Variants in ELL3 observed in about 807,000 individuals in gnomAD.
The protein encoded by ELL3 is elongation factor for RNA polymerase II 3, also known as RNA polymerase II elongation factor ELL3.
A neutral mutation model predicts 58.5 loss-of-function variants in ELL3; 48 were observed. The observed-to-expected ratio is 0.82, with a 90% CI of 0.65 to 1.04. The LOEUF (loss-of-function observed/expected upper bound fraction) is 1.04. ELL3 is among the 50% of genes least tolerant of loss of function. ELL3 has a pLI of 0.00. For synonymous variants in ELL3, 174 were observed against 173.2 expected (o/e 1.00, Z -0.04); for missense variants, 458 against 478.4 (o/e 0.96, Z 0.40).
chr15:43,775,546 T>C lies in ELL3; in HGVS notation c.548A>G (p.His183Arg), dbSNP rs1392078607. 6 of 1,614,090 alleles carry C rather than the reference T, an allele frequency of 3.7e-6. No individual in the cohort carries two copies. Among genetic ancestry groups the C allele is most frequent in the Non-Finnish European group, 5.1e-6 (6 of 1,180,048 alleles). The change falls in exon 5 of 11, where the codon CAC (histidine) becomes CGC (arginine). Residue 183 changes from histidine (H) to arginine (R), a missense_variant. His to Arg is a conservative substitution (Grantham distance 29). Transcript: ENST00000319359. ...GTACCTCACTTCCCACTGTGCCATGTGCTCCCTTGAGGATCCTGGGAGTGA... is the reference window on the plus strand; with the variant it reads ...GTACCTCACTTCCCACTGTGCCATGCGCTCCCTTGAGGATCCTGGGAGTGA... ...GQSLPGSSRE[H>R]MAQWEVRSQT...
Position 43,774,371 on chromosome 15 carries a change from T to C in ELL3, c.867-18A>G. ...TGTATTGCCTGCCAGGAGCAGAGAG[T>C]TGTCACCTTCAATTTCATTGCCCCT... On this transcript the variant is annotated intron_variant, in intron 8 of 10. Transcript: ENST00000319359. 6.2e-7 allele frequency: 1 copy of C among 1,613,718 alleles called. No individual in the cohort carries two copies. The highest frequency in any genetic ancestry group is 1.3e-5 in the African/African-American group (1 of 74,990).
chr15:43,774,229 G>T lies in ELL3; in HGVS notation c.991C>A (p.Leu331Met). 6.2e-7 allele frequency: 1 copy of T among 1,614,176 alleles called. No homozygotes were observed. ...VGTASQRFIE[L>M]GAEIKRVRRG... is the part of the protein sequence containing the mutation. ...CGAACTCTTTTAATCTCTGCTCCCA[G>T]CTCTATGAACCTTTGGCTTGCAGTC... Residue 331 changes from leucine to methionine, a missense_variant, in exon 9 of 11, where the codon CTG becomes ATG. By Grantham distance (15) the Leu-to-Met change is conservative. Coordinates refer to ENST00000319359, the MANE Select transcript of ELL3 (RefSeq NM_025165.3).
Position 43,774,168 on chromosome 15 carries a change from G to T in ELL3, c.1038+14C>A, listed in dbSNP as rs767939065. 6.2e-7 allele frequency: 1 copy of T among 1,612,170 alleles called. No individual in the cohort carries two copies. Among genetic ancestry groups the T allele is most frequent in the African/African-American group, 1.3e-5 (1 of 74,990 alleles). ...CCAGTAGAGCTGGAAAGCCAGGCTG[G>T]GTCCTGTCCTTACCTTGTATTCTGG... On this transcript the variant is annotated intron_variant, in intron 9 of 10. Coordinates refer to ENST00000319359, the MANE Select transcript of ELL3 (RefSeq NM_025165.3).
chr15:43,774,131 G>A (rs2086897607), intron 9 of ELL3, 51 bp downstream of exon 9: 1 of 1,596,720 alleles, frequency 6.3e-7, no homozygotes, highest in Admixed American at 1.7e-5. Context: ...ATGGTTAGCA[G>A]GGGGTTAATG....
Position 43,775,924 on chromosome 15 carries a change from C to A in ELL3, c.282-1G>T. On this transcript the variant is annotated splice_acceptor_variant, in intron 3 of 10. Coordinates refer to ENST00000319359, the MANE Select transcript of ELL3 (RefSeq NM_025165.3). LOFTEE classifies it high-confidence loss of function. ...GCAGTGGAGGCTGTTAGGCCCAGAC[C>A]TGGAAAAGGATGGTGGAAAAAAATA... 1 of 1,614,080 alleles carries A rather than the reference C, an allele frequency of 6.2e-7. No homozygotes were observed. The highest frequency in any genetic ancestry group is 2.2e-5 in the East Asian group (1 of 44,882).
chr15:43,774,885 C>T, intron 6 of ELL3, 112 bp from the exon 7 acceptor site: 3 of 1,210,640 alleles, frequency 2.5e-6, no homozygotes, highest in Non-Finnish European at 3.3e-6. Flanking sequence ...GTAATCCTGA[C>T]CGTTTCAGAG....
chr15:43,776,576 C>T (rs1475198782), intron 1 of ELL3, 32 bp from the exon 2 acceptor site: 4 of 1,562,456 alleles, frequency 2.6e-6, no homozygotes, highest in South Asian at 2.3e-5. Flanking sequence ...GACCGTTGAG[C>T]GCAGGTGAAG....
chr15:43,773,110 A>G lies in ELL3; in HGVS notation c.*6T>C. The G allele has an allele frequency of 6.3e-7, 1 of 1,589,492 alleles. No individual in the cohort carries two copies. The highest frequency in any genetic ancestry group is 1.4e-5 in the African/African-American group (1 of 73,256). ...AAGCAGAGGCTCAAAAATTCCCTTG[A>G]TAACTTCAGCTGCCCCTGTTCTTTT... On this transcript the variant is annotated 3_prime_UTR_variant, in exon 11 of 11. Transcript: ENST00000319359.
chr15:43,775,363 TG>T lies in ELL3; in HGVS notation c.587del (p.Pro196GlnfsTer26). On this transcript the variant is annotated frameshift_variant, in exon 6 of 11. Coordinates refer to ENST00000319359, the MANE Select transcript of ELL3 (RefSeq NM_025165.3). LOFTEE classifies it high-confidence loss of function. ...GCAGTGCCTGAACAGGTTCTCTGTTTGGAACATGGGTCTGGCTTCTAGGATA... is the reference window on the plus strand; with the variant it reads ...GCAGTGCCTGAACAGGTTCTCTGTTTGAACATGGGTCTGGCTTCTAGGATA... ...QWEVRSQTHV[P>X]NREPVQALPS... is the part of the protein sequence containing the mutation. 6.2e-7 allele frequency: 1 copy of T among 1,613,652 alleles called. No homozygotes were observed. Among genetic ancestry groups the T allele is most frequent in the South Asian group, 1.1e-5 (1 of 91,042 alleles).
At position 43,776,009 on chromosome 15, in the gene ELL3, C is replaced by G. The variant is rs376005553; in HGVS notation, c.281+30G>C. ...TTCCCTCCCCCACTTTCCACAAACC[C>G]TTTCTTGCCGGCTACCTGTTCCCCC... On this transcript the variant is annotated intron_variant, in intron 3 of 10. Coordinates refer to ENST00000319359, the MANE Select transcript of ELL3 (RefSeq NM_025165.3). The G allele has an allele frequency of 8.7e-6, 14 of 1,613,196 alleles. No homozygotes were observed. In the African/African-American group the frequency reaches 1.3e-4, roughly 15 times the overall value.
At position 43,776,044 on chromosome 15, in the gene ELL3, GAAGCGTT is replaced by G. The variant is rs774811566; in HGVS notation, c.269_275del (p.Gln90ProfsTer39). 1 of 1,614,046 alleles carries G rather than the reference GAAGCGTT, an allele frequency of 6.2e-7. No individual in the cohort carries two copies. The highest frequency in any genetic ancestry group is 8.5e-7 in the Non-Finnish European group (1 of 1,180,006). On this transcript the variant is annotated frameshift_variant, in exon 3 of 11. Transcript: ENST00000319359. LOFTEE classifies it high-confidence loss of function. ...GGCTACCTGTTCCCCCTCACCTGAG[GAAGCGTT>G]GGCACACAAGGTCCAAGCTACCACC...
intron 5 of ELL3, 52 bp downstream of exon 5, chr15:43,775,473 A>C (rs146412353): frequency 6.2e-7 from 1 of 1,611,148 alleles, no homozygotes; most frequent in Non-Finnish European, 8.5e-7. Flanking sequence ...GGAGATTAGA[A>C]AGGAAGACAA....
chr15:43,774,139 A>G (rs774961650), intron 9 of ELL3, 43 bp downstream of exon 9: 1 of 1,603,794 alleles, frequency 6.2e-7, no homozygotes, highest in African/African-American at 1.3e-5. Context: ...CAGGGGGTTA[A>G]TGGCCAGTAG....
Position 43,776,511 on chromosome 15 carries a change from C to T in ELL3, c.166G>A (p.Gly56Arg), listed in dbSNP as rs1472235777. 2 of 1,565,120 alleles carry T rather than the reference C, an allele frequency of 1.3e-6. No homozygotes were observed. Among genetic ancestry groups the T allele is most frequent in the Non-Finnish European group, 1.7e-6 (2 of 1,153,414 alleles). ...RPVIAFQGHR[G>R]YLRLPGPGWS... The stretch of plus-strand genomic sequence containing the variant: ...ACACACCCTGAGCTCGCACTTACCC[C>T]TCGGTGGCCTTGGAAAGCAATCACC... Residue 56 changes from glycine to arginine, a missense_variant and splice_region_variant, in exon 2 of 11, where the codon GGG (glycine) becomes AGG (arginine). By Grantham distance (125) the Gly-to-Arg change is moderately radical. Transcript: ENST00000319359.
chr15:43,776,697 C>G lies in ELL3; in HGVS notation c.132+73G>C, dbSNP rs920685219. The G allele has an allele frequency of 5.1e-6, 8 of 1,560,254 alleles. No individual in the cohort carries two copies. In the African/African-American group the frequency reaches 9.4e-5, roughly 18 times the overall value. On this transcript the variant is annotated intron_variant, in intron 1 of 10. Coordinates refer to ENST00000319359, the MANE Select transcript of ELL3 (RefSeq NM_025165.3). ...GGAAGCCGCTCCCTCTCCCCTGCAC[C>G]TTCTCCAGGGTCGCCGGCTGAGGCC...
chr15:43,775,184 C>G (rs2086905159), intron 6 of ELL3, 122 bp downstream of exon 6: 3 of 946,418 alleles, frequency 3.2e-6, no homozygotes, highest in Non-Finnish European at 3.1e-6. Context: ...AAAATTCCTC[C>G]CATATAACGA....
At chr15:43,773,405 CAG>C in intron 9 of ELL3, 57 bp from the exon 10 acceptor site, 1 of 1,597,540 alleles carries the variant, frequency 6.3e-7, no homozygotes, top group Non-Finnish European at 8.6e-7. Flanking sequence ...GAGGGGCGGC[CAG>C]GCATGGTGGC....
In ELL3 at chr15:43,776,807, G is replaced by C. The variant is rs370135200; in HGVS notation, c.95C>G (p.Ala32Gly). The change falls in exon 1 of 11, where the codon GCT (alanine) becomes GGT (glycine). Residue 32 changes from alanine to glycine, a missense_variant. By Grantham distance (60) the Ala-to-Gly change is moderately conservative. Transcript: ENST00000319359. Reference sequence around the variant, plus strand: ...ACACTCTTGCAGCGCCCGCAGGGCAGCGTCGTTGAGCCTGAGCAGTAAGAG... The same window carrying C: ...ACACTCTTGCAGCGCCCGCAGGGCACCGTCGTTGAGCCTGAGCAGTAAGAG... ...TSLLLLRLND[A>G]ALRALQECQR... The C allele has an allele frequency of 1.2e-6, 2 of 1,611,088 alleles. No individual in the cohort carries two copies. The highest frequency in any genetic ancestry group is 2.7e-5 in the African/African-American group (2 of 74,932).
Position 43,775,509 on chromosome 15 carries a change from A to AC in ELL3, c.569+15dup, listed in dbSNP as rs778770300. On this transcript the variant is annotated intron_variant, in intron 5 of 10. Transcript: ENST00000319359. The stretch of plus-strand genomic sequence containing the variant: ...TGCCAAAGCTTCCCATGTTAGTCCC[A>AC]CCCCATCCAAAGTACCTCACTTCCC... 11 of 1,613,852 alleles carry AC rather than the reference A, an allele frequency of 6.8e-6. No individual in the cohort carries two copies. The highest frequency in any genetic ancestry group is 8.5e-6 in the Non-Finnish European group (10 of 1,179,918).
Sources: gnomAD v4.1 joint callset for allele counts on GRCh38, gnomAD v4.1.1 for gene constraint, MANE v1.5 for transcripts, NCBI Gene and HGNC (gene_info 2026-07-23, HGNC 2026-07-21) for gene names.